The following CNOT9 variants were observed in gnomAD, a reference collection of about 807,000 sequenced individuals.
CNOT9 encodes the protein CCR4-NOT transcription complex subunit 9, also known as RCD1 required for cell differentiation1 homolog.
In CNOT9, 8 loss-of-function variants were observed where a neutral mutation model predicts 37.4. That is an observed-to-expected ratio of 0.21 (90% CI 0.13 to 0.39). The LOEUF is 0.39. Among genes scored for constraint, CNOT9 ranks in the 10% least tolerant of loss-of-function variants. The pLI, the probability that CNOT9 is intolerant of heterozygous loss-of-function variation, is 1.00. For synonymous variants in CNOT9, 120 were observed against 137.6 expected (o/e 0.87, Z 0.90); for missense variants, 154 against 365.3 (o/e 0.42, Z 4.71).
intron 2 of CNOT9, among the ~76,000 whole-genome samples, chr2:218,582,266 C>T (rs1694413783): frequency 6.6e-6 from 1 of 152,136 alleles, no homozygotes; most frequent in African/African-American, 2.4e-5. Flanking sequence ...CACTTTCTGG[C>T]CAGTGATCTC....
chr2:218,593,600 C>T (rs1276063972), intron 7 of CNOT9: 2 of 1,469,326 alleles, frequency 1.4e-6, no homozygotes, highest in Non-Finnish European at 1.8e-6. Flanking sequence ...TCTGATAATA[C>T]TGCTACCATA....
chr2:218,587,418 G>A (rs752879664), intron 4 of CNOT9, 168 bp from the exon 5 acceptor site: 136 of 1,254,720 alleles, frequency 1.1e-4, no homozygotes, highest in Middle Eastern at 2.1e-4. Context: ...CTACTGCGCC[G>A]CCCTCTTCCT....
At chr2:218,569,043 C>T (rs1693840415) in intron 1 of CNOT9, 65 bp downstream of exon 1, 1 of 1,570,010 alleles carries the variant, frequency 6.4e-7, no homozygotes. Context: ...TCGGCCTTCT[C>T]TCCTAATTCC....
chr2:218,591,864 G>A (rs925711812), intron 5 of CNOT9, among the ~76,000 whole-genome samples: 3 of 152,158 alleles, frequency 2.0e-5, no homozygotes, highest in African/African-American at 7.2e-5. Flanking sequence ...TTCAAATGAG[G>A]CTTGGATCTC....
intron 7 of CNOT9, chr2:218,593,722 T>A (rs1461248316): frequency 1.2e-5 from 15 of 1,233,894 alleles, no homozygotes; most frequent in Non-Finnish European, 1.6e-5. Context: ...CATTAAGTTA[T>A]CATAAGTTTG....
chr2:218,592,555 T>A lies in CNOT9; in HGVS notation c.640-61T>A, dbSNP rs1445221285. The A allele has an allele frequency of 6.4e-6, 10 of 1,555,916 alleles. No homozygotes were observed. In the Admixed American group the frequency reaches 1.3e-4, roughly 21 times the overall value. ...GGACTATCTGATCTCTGATGTCAAT[T>A]AGAATTTGTTTGTGTTTTGTGTGTT... is the stretch of plus-strand genomic sequence containing the variant. On this transcript the variant is annotated intron_variant, in intron 6 of 7. Coordinates refer to ENST00000273064, the MANE Select transcript of CNOT9 (RefSeq NM_005444.3). The surrounding 1 kb of genome is among the most constrained non-coding windows in gnomAD (Gnocchi z 4.1).
At chr2:218,591,558 G>A (rs1023241943) in intron 5 of CNOT9, among the ~76,000 whole-genome samples, 3 of 152,066 alleles carry the variant, frequency 2.0e-5, no homozygotes, top group Non-Finnish European at 4.4e-5. Flanking sequence ...GCCTAGCCAA[G>A]ACGGTGAAAC....
intron 1 of CNOT9, among the ~76,000 whole-genome samples, chr2:218,575,965 A>G (rs1376525900): frequency 2.0e-5 from 3 of 152,190 alleles, no homozygotes; most frequent in Non-Finnish European, 2.9e-5. Context: ...ATCGTTACAG[A>G]GTGGCATGAG....
chr2:218,579,062 A>C (rs1694277025), intron 1 of CNOT9, among the ~76,000 whole-genome samples: 1 of 152,054 alleles, frequency 6.6e-6, no homozygotes, highest in African/African-American at 2.4e-5. Context: ...TTGAGGGGGG[A>C]TGTCAGAATC....
intron 5 of CNOT9, among the ~76,000 whole-genome samples, chr2:218,591,751 AAAAG>A (rs1694783286): frequency 6.6e-6 from 1 of 152,190 alleles, no homozygotes. Context: ...TAAAAAAAAA[AAAAG>A]AAAAGAAAAA....
chr2:218,591,735 T>G (rs1478589992), intron 5 of CNOT9, among the ~76,000 whole-genome samples: 4 of 146,550 alleles, frequency 2.7e-5, no homozygotes, highest in African/African-American at 7.6e-5. Flanking sequence ...AGAGTGAGAC[T>G]CCATCTAAAA....
intron 7 of CNOT9, chr2:218,593,895 T>C: frequency 9.6e-7 from 1 of 1,036,622 alleles, no homozygotes. Flanking sequence ...AATTCTACAT[T>C]GGGGCATCAT....
intron 1 of CNOT9, among the ~76,000 whole-genome samples, chr2:218,569,536 G>A (rs1693885362): frequency 6.6e-6 from 1 of 152,182 alleles, no homozygotes; most frequent in Non-Finnish European, 1.5e-5. Flanking sequence ...AAGAAAGATA[G>A]TGTAATTCAG....
intron 3 of CNOT9, among the ~76,000 whole-genome samples, chr2:218,584,408 C>T (rs1371622424): frequency 6.6e-6 from 1 of 152,176 alleles, no homozygotes; most frequent in Non-Finnish European, 1.5e-5. Flanking sequence ...TGTCTCCAGA[C>T]ATTGCCACAT....
rs1218896621 is a variant in CNOT9 at position 218,582,982 on chromosome 2, T to C, written c.216T>C (p.Asn72=). The change falls in exon 3 of 8, where the codon AAT becomes AAC. Residue 72 remains asparagine (N), a synonymous_variant. Transcript: ENST00000273064. ...TIAALLQEIV[N]IYPSINPPTL... ...TTTCCATTTTTTAGGAAATTGTAAA[T>C]ATTTATCCATCTATCAACCCACCCA... 6.9e-6 allele frequency: 11 copies of C among 1,604,446 alleles called. No homozygotes were observed. Among genetic ancestry groups the C allele is most frequent in the Non-Finnish European group, 9.4e-6 (11 of 1,171,916 alleles).
chr2:218,593,385 G>C (rs1694844307), intron 7 of CNOT9: 4 of 484,718 alleles, frequency 8.3e-6, no homozygotes, highest in Admixed American at 7.0e-5. Context: ...ATTTTATCCT[G>C]TTCTTCAGTG....
At position 218,580,579 on chromosome 2, in the gene CNOT9, G is replaced by C. The variant is rs1694341351; in HGVS notation, c.43G>C (p.Ala15Pro). Residue 15 changes from alanine (A) to proline (P), a missense_variant, in exon 2 of 8, where the codon GCA becomes CCA. Coordinates refer to ENST00000273064, the MANE Select transcript of CNOT9 (RefSeq NM_005444.3). ...ATAAPVPTTL[A>P]QVDREKIYQW... ...TCTGAAGCCTGTGCCTACTACACTG[G>C]CACAAGTGGATAGAGAAAAGATCTA... The C allele has an allele frequency of 6.2e-7, 1 of 1,612,792 alleles. No individual in the cohort carries two copies. Among genetic ancestry groups the C allele is most frequent in the African/African-American group, 1.3e-5 (1 of 74,846 alleles).
At chr2:218,578,186 C>G (rs1417923105) in intron 1 of CNOT9, among the ~76,000 whole-genome samples, 13 of 152,190 alleles carry the variant, frequency 8.5e-5, no homozygotes, top group Non-Finnish European at 1.5e-5. Context: ...TGAGGACCAT[C>G]CCTGAAGGGA....
chr2:218,592,535 ATC>A lies in CNOT9; in HGVS notation c.640-79_640-78del. ...TGGAACCTTTTATGATTCTTGGACT[ATC>A]TGATCTCTGATGTCAATTAGAATTT... On this transcript the variant is annotated intron_variant, in intron 6 of 7. Transcript: ENST00000273064. The surrounding 1 kb of genome is among the most constrained non-coding windows in gnomAD (Gnocchi z 4.1). The A allele has an allele frequency of 6.6e-7, 1 of 1,518,196 alleles. No individual in the cohort carries two copies. The highest frequency in any genetic ancestry group is 9.2e-7 in the Non-Finnish European group (1 of 1,092,622). 94.0% of individuals were successfully genotyped at this position (1,518,196 alleles called of 1,614,324 possible).
Sources: gnomAD v4.1 joint callset for allele counts (sites outside exome capture counted in the v4.1 genomes callset) on GRCh38, gnomAD v4.1.1 for gene constraint, Gnocchi (gnomAD v3.1) non-coding constraint, MANE v1.5 for transcripts, NCBI Gene and HGNC (gene_info 2026-07-23, HGNC 2026-07-21) for gene names.